Variants in NARS2 observed in about 807,000 individuals in gnomAD.
The protein encoded by NARS2 is asparaginyl-tRNA synthetase.
In NARS2, 60 loss-of-function variants were observed where a neutral mutation model predicts 62.9. That is an observed-to-expected ratio of 0.95 (90% CI 0.77 to 1.18). The LOEUF is 1.18. Ranked by LOEUF, NARS2 falls within the 50% of genes most tolerant of loss-of-function variation. NARS2 has a pLI of 0.00. For synonymous variants in NARS2, 196 were observed against 200.0 expected (o/e 0.98, Z 0.17); for missense variants, 619 against 576.4 (o/e 1.07, Z -0.76).
At chr11:78,459,877 T>A (rs10899511) in intron 11 of NARS2, among the ~76,000 whole-genome samples, 34,219 of 152,124 alleles carry the variant, frequency 0.22, 4,179 homozygotes, top group East Asian at 0.41. Flanking sequence ...AGAGTTAGTA[T>A]CTCTGGGTGT....
intron 11 of NARS2, among the ~76,000 whole-genome samples, chr11:78,464,034 A>C (rs1452105306): frequency 1.3e-5 from 2 of 152,152 alleles, no homozygotes; most frequent in Non-Finnish European, 2.9e-5. Context: ...ACAGTTCTTA[A>C]AGGCGGCGCG....
Position 78,571,428 on chromosome 11 carries a change from AC to A in NARS2, c.157del (p.Val53SerfsTer12), listed in dbSNP as rs763951474. On this transcript the variant is annotated frameshift_variant, in exon 2 of 14. Coordinates refer to ENST00000281038, the MANE Select transcript of NARS2 (RefSeq NM_024678.6). LOFTEE classifies it high-confidence loss of function. Reference protein sequence around the residue: ...RIKIQGWIRSVRSQKEVLFLH... With the variant: ...RIKIQGWIRSXRSQKEVLFLH... Reference sequence around the variant, plus strand: ...GAACAAGACTTCCTTCTGGGATCGGACAGAACGAATCCATCCCTAAGGAAGA... The same window carrying A: ...GAACAAGACTTCCTTCTGGGATCGGAAGAACGAATCCATCCCTAAGGAAGA... 8.7e-6 allele frequency: 14 copies of A among 1,612,342 alleles called. No homozygotes were observed. In the African/African-American group the frequency reaches 1.6e-4, roughly 19 times the overall value.
chr11:78,488,590 G>A (rs781711578), intron 7 of NARS2, among the ~76,000 whole-genome samples: 2 of 152,094 alleles, frequency 1.3e-5, no homozygotes, highest in Non-Finnish European at 2.9e-5. Flanking sequence ...TAATAAATTC[G>A]AGTTGTTTTA....
intron 3 of NARS2, 96 bp from the exon 4 acceptor site, chr11:78,566,368 A>C: frequency 1.1e-6 from 1 of 947,976 alleles, no homozygotes; most frequent in Non-Finnish European, 1.5e-6. Context: ...CTTTGGAACC[A>C]AACTAAGATC....
At chr11:78,567,675 T>G (rs1287785283) in intron 3 of NARS2, among the ~76,000 whole-genome samples, 1 of 152,264 alleles carries the variant, frequency 6.6e-6, no homozygotes, top group African/African-American at 2.4e-5. Context: ...TAGAATTTCT[T>G]GGAAATTAAG....
intron 6 of NARS2, among the ~76,000 whole-genome samples, chr11:78,522,671 T>C (rs1861173480): frequency 6.6e-6 from 1 of 152,158 alleles, no homozygotes; most frequent in South Asian, 2.1e-4. Context: ...TGGTGTACAA[T>C]CTAAAAATAA....
chr11:78,505,573 C>T (rs1860462928), intron 6 of NARS2, among the ~76,000 whole-genome samples: 1 of 151,960 alleles, frequency 6.6e-6, no homozygotes, highest in Admixed American at 6.6e-5. Context: ...GATACAGAAG[C>T]TTAGGGCCTA....
In NARS2 at chr11:78,565,423, G is replaced by A. The variant is rs1856710158; in HGVS notation, c.513+709C>T. ...ACAAAAGCCATCTCTCTCTGAGATG[G>A]GAAACAAACATGGTAAACCCCTACC... is the stretch of plus-strand genomic sequence containing the variant. On this transcript the variant is annotated intron_variant, in intron 4 of 13. Transcript: ENST00000281038. 2.0e-5 allele frequency among the ~76,000 whole-genome samples: 3 copies of A among 152,094 alleles called. No homozygotes were observed. The South Asian group carries it at 6.2e-4, about 32-fold the overall frequency.
rs994163793 is a variant in NARS2 at position 78,571,448 on chromosome 11, A to G, written c.142-4T>C. On this transcript the variant is annotated splice_polypyrimidine_tract_variant and splice_region_variant and intron_variant, in intron 1 of 13. Coordinates refer to ENST00000281038, the MANE Select transcript of NARS2 (RefSeq NM_024678.6). ...ATCGGACAGAACGAATCCATCCCTA[A>G]GGAAGAGAAATATTTCCAATGTGAG... 1.3e-6 allele frequency: 2 copies of G among 1,597,664 alleles called. No individual in the cohort carries two copies. The highest frequency in any genetic ancestry group is 1.1e-5 in the South Asian group (1 of 90,536).
chr11:78,528,809 T>C, intron 6 of NARS2, 33 bp downstream of exon 6: 1 of 1,433,928 alleles, frequency 7.0e-7, no homozygotes, highest in Non-Finnish European at 9.8e-7. Context: ...AACCATAATA[T>C]ATCAAAGCAA....
At chr11:78,460,409 G>A (rs1858350556) in intron 11 of NARS2, among the ~76,000 whole-genome samples, 1 of 152,036 alleles carries the variant, frequency 6.6e-6, no homozygotes, top group African/African-American at 2.4e-5. Context: ...GCCCAGCCAG[G>A]ATTTACATTT....
intron 6 of NARS2, among the ~76,000 whole-genome samples, chr11:78,493,447 AG>A (rs1859917287): frequency 6.6e-6 from 1 of 152,176 alleles, no homozygotes; most frequent in Non-Finnish European, 1.5e-5. Flanking sequence ...GCTTAAACTT[AG>A]GAGTTCAAGA....
At chr11:78,506,931 T>C (rs1164542823) in intron 6 of NARS2, among the ~76,000 whole-genome samples, 1 of 152,296 alleles carries the variant, frequency 6.6e-6, no homozygotes, top group East Asian at 1.9e-4. Flanking sequence ...TTTTGGTCAA[T>C]TTCAGCTCTT....
intron 6 of NARS2, among the ~76,000 whole-genome samples, chr11:78,516,738 AT>A (rs1860926131): frequency 1.3e-5 from 2 of 152,250 alleles, no homozygotes; most frequent in Non-Finnish European, 2.9e-5. Context: ...TAATGGGAAG[AT>A]AAGATAATAA....
At chr11:78,458,530 G>C (rs1413362775) in intron 11 of NARS2, among the ~76,000 whole-genome samples, 2 of 152,154 alleles carry the variant, frequency 1.3e-5, no homozygotes, top group Non-Finnish European at 2.9e-5. Context: ...TAACTCTATA[G>C]CCACTAGACT....
At chr11:78,552,220 C>T (rs908131820) in intron 5 of NARS2, among the ~76,000 whole-genome samples, 5 of 152,164 alleles carry the variant, frequency 3.3e-5, no homozygotes, top group African/African-American at 4.8e-5. Context: ...CATTTAGCTC[C>T]CACTTACAAG....
chr11:78,460,081 C>T (rs541818887), intron 11 of NARS2, among the ~76,000 whole-genome samples: 1 of 152,212 alleles, frequency 6.6e-6, no homozygotes, highest in South Asian at 2.1e-4. Flanking sequence ...AACTGCACGT[C>T]TGAAGACACA....
intron 6 of NARS2, among the ~76,000 whole-genome samples, chr11:78,515,418 C>G (rs1014536670): frequency 6.6e-6 from 1 of 152,050 alleles, no homozygotes; most frequent in East Asian, 1.9e-4. Context: ...TGACTGCTAA[C>G]GGGTTTGGAG....
At chr11:78,448,186 T>C (rs1857830205) in intron 11 of NARS2, among the ~76,000 whole-genome samples, 2 of 152,062 alleles carry the variant, frequency 1.3e-5, no homozygotes, top group Admixed American at 6.6e-5. Context: ...ATACTTATTA[T>C]ATATATGAAA....
Sources: gnomAD v4.1 joint callset for allele counts (sites outside exome capture counted in the v4.1 genomes callset) on GRCh38, gnomAD v4.1.1 for gene constraint, MANE v1.5 for transcripts, NCBI Gene and HGNC (gene_info 2026-07-23, HGNC 2026-07-21) for gene names.